Variants in FBXL17 observed in about 807,000 individuals in gnomAD.
FBXL17 encodes the protein F-box/LRR-repeat protein 17.
Under a neutral mutation model 66.2 loss-of-function variants are expected in FBXL17, and 22 were observed. That is an observed-to-expected ratio of 0.33 (90% confidence interval 0.24 to 0.47). The LOEUF (loss-of-function observed/expected upper bound fraction) is 0.47, where lower values mean the gene tolerates loss of function less well. Among genes scored for constraint, FBXL17 ranks in the 20% least tolerant of loss-of-function variants. FBXL17 has a pLI of 1.00. For missense variants in FBXL17, 878 were observed against 948.2 expected (o/e 0.93, Z 0.97); for synonymous variants, 474 against 400.5 (o/e 1.18, Z -2.19).
intron 6 of FBXL17, among the ~76,000 whole-genome samples, chr5:108,094,881 A>AAT (rs1749313742): frequency 1.3e-5 from 2 of 151,962 alleles, no homozygotes; most frequent in African/African-American, 4.8e-5. Context: ...ATGCAAAAAA[A>AAT]AAAAATAAAT....
At chr5:108,133,261 T>A (rs1427314520) in intron 6 of FBXL17, among the ~76,000 whole-genome samples, 1 of 152,160 alleles carries the variant, frequency 6.6e-6, no homozygotes, top group Non-Finnish European at 1.5e-5. Flanking sequence ...GTATCTAAAA[T>A]TTTTTATATC....
chr5:107,904,607 G>T (rs1342768602), intron 7 of FBXL17, among the ~76,000 whole-genome samples: 1 of 151,964 alleles, frequency 6.6e-6, no homozygotes, highest in African/African-American at 2.4e-5. Flanking sequence ...TAGAGCAAAA[G>T]CACAGACATC....
At chr5:108,070,078 T>C (rs991006324) in intron 6 of FBXL17, among the ~76,000 whole-genome samples, 2 of 152,234 alleles carry the variant, frequency 1.3e-5, no homozygotes, top group Non-Finnish European at 2.9e-5. Flanking sequence ...TCATATTAAG[T>C]AGAAGTATTT....
chr5:108,164,715 T>C (rs1307015496), intron 6 of FBXL17, among the ~76,000 whole-genome samples: 1 of 152,228 alleles, frequency 6.6e-6, no homozygotes, highest in Non-Finnish European at 1.5e-5. Flanking sequence ...AATAAGTTTA[T>C]GAAGTAAGTA....
intron 6 of FBXL17, among the ~76,000 whole-genome samples, chr5:108,054,147 G>A (rs2112829455): frequency 6.6e-6 from 1 of 151,706 alleles, no homozygotes; most frequent in African/African-American, 2.4e-5. Context: ...TTAGAGGATG[G>A]GACAATAGGT....
At chr5:108,290,693 C>T (rs1387461785) in intron 4 of FBXL17, among the ~76,000 whole-genome samples, 1 of 152,110 alleles carries the variant, frequency 6.6e-6, no homozygotes, top group African/African-American at 2.4e-5. Context: ...CACTGATCTC[C>T]ATTTATTTAG....
At chr5:107,927,964 A>C (rs1750587930) in intron 7 of FBXL17, among the ~76,000 whole-genome samples, 1 of 152,104 alleles carries the variant, frequency 6.6e-6, no homozygotes, top group South Asian at 2.1e-4. Context: ...ATATTTTAAG[A>C]ATGGCAAATG....
At chr5:108,162,725 T>G (rs537216383) in intron 6 of FBXL17, among the ~76,000 whole-genome samples, 1 of 152,192 alleles carries the variant, frequency 6.6e-6, no homozygotes, top group Non-Finnish European at 1.5e-5. Flanking sequence ...GCCTTGGTTC[T>G]CTCATTTGAA....
rs1380304990 is a variant in FBXL17 at position 108,154,353 on chromosome 5, A to G, written c.1745+31764T>C. Among the ~76,000 whole-genome samples the G allele has an allele frequency of 8.0e-5, 12 of 149,956 alleles. No individual in the cohort carries two copies. The East Asian group carries it at 2.4e-3, about 30-fold the overall frequency. On this transcript the variant is annotated intron_variant, in intron 6 of 8. Coordinates refer to ENST00000542267, the MANE Select transcript of FBXL17 (RefSeq NM_001163315.3). ...TCACGCCTGTAATCCCAGCACTTTG[A>G]GAGGCCGAGGCAGGCGGATCACCTG...
chr5:107,979,323 T>C (rs1752714029), intron 7 of FBXL17, among the ~76,000 whole-genome samples: 1 of 152,218 alleles, frequency 6.6e-6, no homozygotes, highest in Non-Finnish European at 1.5e-5. Flanking sequence ...GTTCAAATTA[T>C]TGAGTCAAGC....
At chr5:107,993,284 G>A (rs1753332889) in intron 7 of FBXL17, among the ~76,000 whole-genome samples, 1 of 151,916 alleles carries the variant, frequency 6.6e-6, no homozygotes, top group Admixed American at 6.6e-5. Flanking sequence ...AGCCTGCAAG[G>A]GGTAAAAAGA....
intron 4 of FBXL17, among the ~76,000 whole-genome samples, chr5:108,236,538 C>A (rs1199054422): frequency 6.6e-6 from 1 of 151,188 alleles, no homozygotes; most frequent in Non-Finnish European, 1.5e-5. Context: ...CAACAACAAC[C>A]AAAAAAACAC....
intron 7 of FBXL17, among the ~76,000 whole-genome samples, chr5:107,955,499 G>T (rs1166305351): frequency 6.6e-6 from 1 of 152,130 alleles, no homozygotes; most frequent in Non-Finnish European, 1.5e-5. Flanking sequence ...ATTGCAGTGC[G>T]CTGTGACAAG....
intron 6 of FBXL17, among the ~76,000 whole-genome samples, chr5:108,121,359 T>C (rs1012129879): frequency 6.6e-5 from 10 of 152,098 alleles, no homozygotes; most frequent in Non-Finnish European, 1.5e-4. Flanking sequence ...TGTTAATGTT[T>C]TTTGGCAATG....
chr5:108,225,023 A>T (rs1233069606), intron 4 of FBXL17, among the ~76,000 whole-genome samples: 1 of 152,080 alleles, frequency 6.6e-6, no homozygotes, highest in African/African-American at 2.4e-5. Flanking sequence ...ATGCACCATT[A>T]CCGATATCTA....
chr5:107,971,345 C>T (rs1163476781), intron 7 of FBXL17, among the ~76,000 whole-genome samples: 4 of 152,172 alleles, frequency 2.6e-5, no homozygotes, highest in African/African-American at 9.7e-5. Flanking sequence ...CAGCATGTCA[C>T]CATAACCTTC....
chr5:108,056,782 A>G (rs1323214619), intron 6 of FBXL17, among the ~76,000 whole-genome samples: 1 of 152,246 alleles, frequency 6.6e-6, no homozygotes, highest in Non-Finnish European at 1.5e-5. Context: ...ATTTAAGCAC[A>G]TCTTAGATGG....
chr5:108,342,472 TAATA>T (rs1458882834), intron 4 of FBXL17, among the ~76,000 whole-genome samples: 1 of 152,204 alleles, frequency 6.6e-6, no homozygotes, highest in Non-Finnish European at 1.5e-5. Context: ...CTACTCATGC[TAATA>T]ATTAACTTCT....
At chr5:108,177,714 G>A (rs923241769) in intron 6 of FBXL17, among the ~76,000 whole-genome samples, 1 of 151,894 alleles carries the variant, frequency 6.6e-6, no homozygotes, top group Admixed American at 6.6e-5. Context: ...TCCAGTCTTG[G>A]TTCCTCTAGT....
Sources: allele counts gnomAD v4.1 joint callset (sites outside exome capture counted in the v4.1 genomes callset), GRCh38; gene constraint gnomAD v4.1.1; transcripts MANE v1.5; gene names NCBI Gene and HGNC (gene_info 2026-07-23, HGNC 2026-07-21).